Variants in UTP20 observed in about 807,000 individuals in gnomAD.
The protein encoded by UTP20 is small subunit processome component 20 homolog.
Under a neutral mutation model 329.5 loss-of-function variants are expected in UTP20, and 164 were observed. That is an observed-to-expected ratio of 0.50 (90% CI 0.44 to 0.57). The LOEUF is 0.57. Ranked by LOEUF, UTP20 falls within the 20% of genes least tolerant of loss-of-function variation. The pLI is 0.00. For missense variants in UTP20, 3,055 were observed against 3,284.2 expected, an observed-to-expected ratio of 0.93 and a Z score of 1.71; for synonymous variants, 1,151 against 1,159.3, an observed-to-expected ratio of 0.99 and a Z score of 0.14.
chr12:101,383,183 A>G lies in UTP20; in HGVS notation c.7799A>G (p.Glu2600Gly). 6.2e-7 allele frequency: 1 copy of G among 1,614,114 alleles called. No homozygotes were observed. The highest frequency in any genetic ancestry group is 8.5e-7 in the Non-Finnish European group (1 of 1,179,984). Residue 2600 changes from glutamate to glycine, a missense_variant, in exon 59 of 62, where the codon GAG becomes GGG. This residue lies in a region of UTP20 where 337 missense variants were observed against 345.5 expected (regional missense o/e 0.98). Coordinates refer to ENST00000261637, the MANE Select transcript of UTP20 (RefSeq NM_014503.3). ...GTGGCCTGTGCAGATGAGAAGGCGG[A>G]GTCTGACGGAGAAGAGAAGGAAGAG... ...DGVACADEKA[E>G]SDGEEKEEVK...
intron 8 of UTP20, chr12:101,291,540 C>G (rs906600332): frequency 4.1e-5 from 3 of 73,866 alleles, no homozygotes; most frequent in Non-Finnish European, 7.4e-5. Flanking sequence ...AACTCCATCT[C>G]AAAAAAAAAA....
chr12:101,374,459 AAAC>A (rs1413564086), intron 54 of UTP20, among the ~76,000 whole-genome samples: 2 of 152,202 alleles, frequency 1.3e-5, no homozygotes, highest in South Asian at 2.1e-4. Flanking sequence ...TGTGAAACAT[AAAC>A]AACATGTGCC....
Position 101,334,505 on chromosome 12 carries a change from G to C in UTP20, c.3641+1G>C, listed in dbSNP as rs1565796710. 6.2e-7 allele frequency: 1 copy of C among 1,608,384 alleles called. No individual in the cohort carries two copies. The highest frequency in any genetic ancestry group is 8.5e-7 in the Non-Finnish European group (1 of 1,179,152). ...TCAGTATCTGGAGCAGAAACGCAAG[G>C]TATAACCTTTCTTTTTTCCTTCTTT... On this transcript the variant is annotated splice_donor_variant, in intron 29 of 61. Transcript: ENST00000261637. LOFTEE classifies it high-confidence loss of function.
In UTP20 at chr12:101,299,740, T is replaced by C. The variant is rs1410327832; in HGVS notation, c.1489T>C (p.Leu497=). ...GGGAAGAAACGAACAGTTTCCAGTA[T>C]TGGACCATCTTTTATCTATAATTAA... ...SKGRNEQFPV[L]DHLLSIIKLP... Residue 497 remains leucine (L), a synonymous_variant, in exon 13 of 62, where the codon TTG becomes CTG. Transcript: ENST00000261637. The C allele has an allele frequency of 1.9e-6, 3 of 1,612,950 alleles. No homozygotes were observed. Among genetic ancestry groups the C allele is most frequent in the Non-Finnish European group, 1.7e-6 (2 of 1,179,618 alleles).
At chr12:101,354,542 T>G (rs1869650361) in intron 40 of UTP20, among the ~76,000 whole-genome samples, 1 of 152,178 alleles carries the variant, frequency 6.6e-6, no homozygotes, top group Non-Finnish European at 1.5e-5. Flanking sequence ...GTTAAGATGT[T>G]CCTGCCCCCC....
chr12:101,338,445 T>C (rs1056105160), intron 30 of UTP20, among the ~76,000 whole-genome samples, 168 bp downstream of exon 30: 4 of 152,200 alleles, frequency 2.6e-5, no homozygotes, highest in Admixed American at 2.6e-4. Flanking sequence ...TTCTTTGTAG[T>C]TATAAGAATA....
At chr12:101,330,281 A>T (rs1377109627) in intron 27 of UTP20, among the ~76,000 whole-genome samples, 2 of 152,154 alleles carry the variant, frequency 1.3e-5, no homozygotes, top group East Asian at 3.9e-4. Flanking sequence ...ACTAGTGCAA[A>T]ATCCCTGGTT....
At chr12:101,303,392 AG>A (rs1872573759) in intron 15 of UTP20, among the ~76,000 whole-genome samples, 1 of 152,160 alleles carries the variant, frequency 6.6e-6, no homozygotes. Flanking sequence ...GAGAGTCCAG[AG>A]GTGAGGGGAG....
chr12:101,376,275 G>T (rs1234468872), intron 56 of UTP20, among the ~76,000 whole-genome samples: 1 of 152,130 alleles, frequency 6.6e-6, no homozygotes. Flanking sequence ...TAGCTATATA[G>T]TAGTCCATTA....
At chr12:101,333,475 A>C in intron 28 of UTP20, 31 bp downstream of exon 28, 1 of 1,606,288 alleles carries the variant, frequency 6.2e-7, no homozygotes, top group Non-Finnish European at 8.5e-7. Context: ...CTGCCTATGT[A>C]CGTTCTGCTT....
intron 56 of UTP20, among the ~76,000 whole-genome samples, 187 bp downstream of exon 56, chr12:101,375,943 A>T (rs1870457060): frequency 1.3e-5 from 2 of 152,202 alleles, no homozygotes; most frequent in Admixed American, 1.3e-4. Flanking sequence ...TGAAAAAAAA[A>T]CGTATCTATG....
intron 60 of UTP20, among the ~76,000 whole-genome samples, chr12:101,384,800 T>C (rs1870771139): frequency 6.6e-6 from 1 of 152,098 alleles, no homozygotes; most frequent in Non-Finnish European, 1.5e-5. Flanking sequence ...TGGGAGAAAG[T>C]TTCCTCACTC....
chr12:101,334,389 T>G (rs1366673185), intron 28 of UTP20, 36 bp from the exon 29 acceptor site: 1 of 1,566,644 alleles, frequency 6.4e-7, no homozygotes, highest in African/African-American at 1.4e-5. Flanking sequence ...ATTTGGTATA[T>G]GTATTTGGTA....
At position 101,353,081 on chromosome 12, in the gene UTP20, G is replaced by T; in HGVS notation, c.5059G>T (p.Asp1687Tyr). 2 of 1,595,806 alleles carry T rather than the reference G, an allele frequency of 1.3e-6. No homozygotes were observed. The highest frequency in any genetic ancestry group is 2.3e-5 in the South Asian group (2 of 88,122). The change falls in exon 40 of 62, where the codon GAC (aspartate) becomes TAC (tyrosine). Residue 1687 changes from aspartate to tyrosine, a missense_variant. Coordinates refer to ENST00000261637, the MANE Select transcript of UTP20 (RefSeq NM_014503.3). Reference protein sequence around the residue: ...LVIVLEAFHFDHKTLEEQMGK... With the variant: ...LVIVLEAFHFYHKTLEEQMGK... ...AATAGTGTTAGAAGCATTCCACTTTGACCACAAAACTCTTGAAGAACAAAT... is the reference window on the plus strand; with the variant it reads ...AATAGTGTTAGAAGCATTCCACTTTTACCACAAAACTCTTGAAGAACAAAT...
chr12:101,356,965 C>G lies in UTP20; in HGVS notation c.5574C>G (p.Ala1858=). 1.9e-6 allele frequency: 3 copies of G among 1,613,548 alleles called. No homozygotes were observed. The highest frequency in any genetic ancestry group is 2.5e-6 in the Non-Finnish European group (3 of 1,179,862). ...LKVCALLKNR[A]QEIRDIARST... is the part of the protein sequence containing the mutation. ...TGTGTGCCCTACTCAAGAACAGAGC[C>G]CAAGAAATCAGAGACATTGCACGCA... The change falls in exon 43 of 62, where the codon GCC becomes GCG. Residue 1858 remains alanine (A), a synonymous_variant. Coordinates refer to ENST00000261637, the MANE Select transcript of UTP20 (RefSeq NM_014503.3).
intron 40 of UTP20, among the ~76,000 whole-genome samples, chr12:101,354,510 A>G (rs574785110): frequency 1.3e-5 from 2 of 152,250 alleles, no homozygotes; most frequent in African/African-American, 4.8e-5. Context: ...TTTCATGCTC[A>G]TGAAGGGAGG....
chr12:101,351,972 T>G lies in UTP20; in HGVS notation c.4885-83T>G, dbSNP rs557885303. ...TCTTCTGTAATTACTGAGAACTTAC[T>G]AACTTTTTCAATATACTGAGTTAGC... On this transcript the variant is annotated intron_variant, in intron 38 of 61. Coordinates refer to ENST00000261637, the MANE Select transcript of UTP20 (RefSeq NM_014503.3). The G allele has an allele frequency of 1.4e-4, 208 of 1,522,486 alleles. 3 individuals carry two copies. The South Asian group carries it at 2.2e-3, about 16-fold the overall frequency. 94.3% of individuals were successfully genotyped at this position (1,522,486 alleles called of 1,614,324 possible).
intron 43 of UTP20, among the ~76,000 whole-genome samples, chr12:101,359,501 G>GTGTATATATA (rs369609654): frequency 6.8e-6 from 1 of 147,702 alleles, no homozygotes; most frequent in East Asian, 2.0e-4. Context: ...ATGTGTGTGT[G>GTGTATATATA]TATATATATA....
chr12:101,362,086 ATTTT>A (rs763089550), intron 44 of UTP20, 26 bp downstream of exon 44: 5 of 1,545,234 alleles, frequency 3.2e-6, no homozygotes, highest in Non-Finnish European at 4.4e-6. Flanking sequence ...ACGAATTCTA[ATTTT>A]TTTTTAAGTG....
Sources: allele counts gnomAD v4.1 joint callset (sites outside exome capture counted in the v4.1 genomes callset), GRCh38; gene constraint gnomAD v4.1.1; regional missense constraint gnomAD v4.1.1; transcripts MANE v1.5; gene names NCBI Gene and HGNC (gene_info 2026-07-23, HGNC 2026-07-21).